Variants in TENM3 observed in about 807,000 individuals in gnomAD.
The protein encoded by TENM3 is teneurin transmembrane protein 3, also known as teneurin-3.
TENM3 carries 63 observed loss-of-function variants against 255.1 expected under a neutral mutation model. That is an observed-to-expected ratio of 0.25 (90% CI 0.20 to 0.30). The LOEUF (loss-of-function observed/expected upper bound fraction) is 0.30. Among genes scored for constraint, TENM3 ranks in the 10% least tolerant of loss-of-function variants. The probability of loss-of-function intolerance (pLI) is 1.00; values close to 1 mark genes in which losing one functional copy is unlikely to be tolerated. For synonymous variants in TENM3, 1,306 were observed against 1,322.3 expected (o/e 0.99, Z 0.27); for missense variants, 2,929 against 3,461.1 (o/e 0.85, Z 3.86).
chr4:182,087,924 T>G, the TENM3 span, among the ~76,000 whole-genome samples: 1 of 152,204 alleles, frequency 6.6e-6, no homozygotes, highest in Non-Finnish European at 1.5e-5. Context: ...TTCATCTTTG[T>G]AACCCTTAGG....
chr4:182,175,314 A>AATAT (rs35451760), intron 1 of TENM3, among the ~76,000 whole-genome samples: 2,473 of 117,414 alleles, frequency 0.021, 35 homozygotes, highest in Non-Finnish European at 0.023. Context: ...AAAAAAAAAA[A>AATAT]ATATATATAT....
intron 1 of TENM3, among the ~76,000 whole-genome samples, chr4:182,279,010 C>T (rs928122800): frequency 6.6e-6 from 1 of 152,178 alleles, no homozygotes; most frequent in South Asian, 2.1e-4. Flanking sequence ...CACACCAGGT[C>T]GGGGCAGGGG....
At chr4:182,761,619 TAC>T (rs889325870) in intron 22 of TENM3, among the ~76,000 whole-genome samples, 2 of 152,118 alleles carry the variant, frequency 1.3e-5, no homozygotes, top group African/African-American at 2.4e-5. Flanking sequence ...CACACACTTA[TAC>T]ACACACACAT....
chr4:182,218,851 A>T (rs529763484), intron 1 of TENM3, among the ~76,000 whole-genome samples: 1 of 152,380 alleles, frequency 6.6e-6, no homozygotes, highest in East Asian at 1.9e-4. Flanking sequence ...CAGTATACTG[A>T]TATTAGTAAG....
chr4:181,672,346 G>A, the TENM3 span, among the ~76,000 whole-genome samples: 4 of 152,042 alleles, frequency 2.6e-5, no homozygotes, highest in Admixed American at 2.6e-4. Context: ...TCTATATTTG[G>A]TACTAATACT....
At chr4:181,715,354 C>A in the TENM3 span, among the ~76,000 whole-genome samples, 132 of 152,230 alleles carry the variant, frequency 8.7e-4, no homozygotes, top group African/African-American at 3.1e-3. Context: ...AGCCTTGTGT[C>A]TATTTCTTTT....
intron 3 of TENM3, among the ~76,000 whole-genome samples, chr4:182,519,966 A>AT (rs1738396387): frequency 6.6e-6 from 1 of 151,956 alleles, no homozygotes; most frequent in Non-Finnish European, 1.5e-5. Context: ...ATTGTTTGTA[A>AT]TTTTTTTCCT....
chr4:181,715,501 A>T, the TENM3 span, among the ~76,000 whole-genome samples: 1 of 152,348 alleles, frequency 6.6e-6, no homozygotes, highest in South Asian at 2.1e-4. Context: ...TTATACTTTT[A>T]TGGAAAAAAT....
At chr4:182,388,346 G>A (rs1207920883) in intron 3 of TENM3, among the ~76,000 whole-genome samples, 2 of 152,100 alleles carry the variant, frequency 1.3e-5, no homozygotes, top group African/African-American at 4.8e-5. Context: ...CGATGATGAT[G>A]ATAACAAAAA....
At chr4:182,097,395 A>G in the TENM3 span, among the ~76,000 whole-genome samples, 4 of 152,066 alleles carry the variant, frequency 2.6e-5, no homozygotes, top group Non-Finnish European at 2.9e-5. Flanking sequence ...TAGATGATCA[A>G]TGAATATTAG....
At chr4:182,527,559 A>G (rs532634791) in intron 3 of TENM3, among the ~76,000 whole-genome samples, 5 of 152,124 alleles carry the variant, frequency 3.3e-5, no homozygotes, top group African/African-American at 1.2e-4. Context: ...CCTGTGTAAG[A>G]TGTAATTAAA....
At chr4:181,995,435 T>C in the TENM3 span, among the ~76,000 whole-genome samples, 25,820 of 152,172 alleles carry the variant, frequency 0.17, 2,558 homozygotes, top group South Asian at 0.24. Context: ...TGGGAAAATG[T>C]GTATGTGAAA....
At chr4:181,959,037 TTTG>T in the TENM3 span, among the ~76,000 whole-genome samples, 11 of 152,278 alleles carry the variant, frequency 7.2e-5, no homozygotes, top group East Asian at 1.9e-4. Flanking sequence ...TGAATGGTTT[TTTG>T]TTGTTGTTGT....
At chr4:182,732,070 C>T (rs543116255) in intron 16 of TENM3, among the ~76,000 whole-genome samples, 9 of 152,066 alleles carry the variant, frequency 5.9e-5, no homozygotes, top group African/African-American at 1.2e-4. Flanking sequence ...TGTGAGCCAC[C>T]GCACCCGGCC....
At chr4:182,649,910 G>A (rs1753101723) in intron 5 of TENM3, among the ~76,000 whole-genome samples, 1 of 150,362 alleles carries the variant, frequency 6.7e-6, no homozygotes, top group South Asian at 2.2e-4. Context: ...CTACCCTCTG[G>A]TAGAATACAG....
the TENM3 span, among the ~76,000 whole-genome samples, chr4:181,937,670 A>G: frequency 5.3e-5 from 8 of 152,296 alleles, no homozygotes; most frequent in African/African-American, 1.9e-4. Context: ...CCCTGGCACT[A>G]CTACAAAAGC....
At chr4:181,981,051 G>A in the TENM3 span, among the ~76,000 whole-genome samples, 137 of 152,168 alleles carry the variant, frequency 9.0e-4, no homozygotes, top group African/African-American at 3.3e-3. Context: ...ACCCCCATGC[G>A]TGCCACATTA....
At chr4:182,727,877 T>TC (rs1480721383) in intron 13 of TENM3, among the ~76,000 whole-genome samples, 6 of 151,730 alleles carry the variant, frequency 4.0e-5, no homozygotes, top group African/African-American at 7.3e-5. Flanking sequence ...TTTTTTTTTT[T>TC]TTTGAGACAG....
chr4:182,635,263 C>T (rs1303776331), intron 5 of TENM3, among the ~76,000 whole-genome samples: 1 of 152,200 alleles, frequency 6.6e-6, no homozygotes, highest in Non-Finnish European at 1.5e-5. Context: ...TGTTTTAAAT[C>T]ACAGCTTTAT....
Sources: gnomAD v4.1 joint callset for allele counts (sites outside exome capture counted in the v4.1 genomes callset) on GRCh38, gnomAD v4.1.1 for gene constraint, MANE v1.5 for transcripts, NCBI Gene and HGNC (gene_info 2026-07-23, HGNC 2026-07-21) for gene names.